Variants in CDC42BPA observed in about 807,000 individuals in gnomAD.
The protein encoded by CDC42BPA is CDC42 binding protein kinase alpha, also known as serine/threonine-protein kinase MRCK alpha.
Under a neutral mutation model 223.5 loss-of-function variants are expected in CDC42BPA, and 80 were observed. That is an observed-to-expected ratio of 0.36 (90% CI 0.30 to 0.43). The LOEUF is 0.43. CDC42BPA is among the 20% of genes least tolerant of loss of function. The pLI is 1.00. For missense variants in CDC42BPA, 1,743 were observed against 2,099.9 expected (o/e 0.83, Z 3.32); for synonymous variants, 694 against 718.6 (o/e 0.97, Z 0.55).
chr1:227,006,321 T>G (rs1361220851), intron 34 of CDC42BPA, among the ~76,000 whole-genome samples: 1 of 152,200 alleles, frequency 6.6e-6, no homozygotes, highest in African/African-American at 2.4e-5. Context: ...ATTGGCTGTT[T>G]GTGAGGGTGT....
chr1:227,082,995 G>T (rs1681033066), intron 16 of CDC42BPA, among the ~76,000 whole-genome samples: 1 of 151,992 alleles, frequency 6.6e-6, no homozygotes, highest in Admixed American at 6.6e-5. Context: ...TTGGTTTCTG[G>T]CCGCTTTTCT....
chr1:227,179,659 A>AAAAAAAAAAAAAAAAAAAAAAAAAG (rs1216438998), intron 5 of CDC42BPA, among the ~76,000 whole-genome samples: 1 of 146,888 alleles, frequency 6.8e-6, no homozygotes, highest in African/African-American at 2.6e-5. Context: ...AAAAAAAAAA[A>AAAAAAAAAAAAAAAAAAAAAAAAAG]AGCTATTTTA....
intron 1 of CDC42BPA, among the ~76,000 whole-genome samples, chr1:227,284,511 C>T (rs527437513): frequency 6.6e-6 from 1 of 152,244 alleles, no homozygotes; most frequent in African/African-American, 2.4e-5. Flanking sequence ...AGGAGAGGGC[C>T]TAACCTTAAT....
intron 34 of CDC42BPA, among the ~76,000 whole-genome samples, chr1:227,006,907 C>T (rs1417447261): frequency 2.9e-5 from 2 of 67,818 alleles, no homozygotes; most frequent in Non-Finnish European, 3.1e-5. Flanking sequence ...CCACTGCACT[C>T]CGGCCTGGGC....
chr1:227,018,813 C>G (rs1666804521), intron 32 of CDC42BPA, among the ~76,000 whole-genome samples: 1 of 152,216 alleles, frequency 6.6e-6, no homozygotes, highest in African/African-American at 2.4e-5. Context: ...AAGTGTGCAA[C>G]AGTACGTGTC....
At chr1:227,277,878 T>C (rs984501958) in intron 1 of CDC42BPA, among the ~76,000 whole-genome samples, 7 of 151,946 alleles carry the variant, frequency 4.6e-5, no homozygotes, top group Non-Finnish European at 7.4e-5. Context: ...GCCTCCCGAG[T>C]AGCTAGGACT....
At chr1:227,218,325 C>T (rs1675234495) in intron 2 of CDC42BPA, among the ~76,000 whole-genome samples, 1 of 152,306 alleles carries the variant, frequency 6.6e-6, no homozygotes, top group Middle Eastern at 3.4e-3. Context: ...TATCTTTTGT[C>T]TGTTGCTGCT....
chr1:227,219,247 T>C (rs949303647), intron 2 of CDC42BPA: 1 of 152,236 alleles, frequency 6.6e-6, no homozygotes, highest in African/African-American at 2.4e-5. Context: ...GCAAGCTAAT[T>C]AAAAGCTTTT....
chr1:227,145,016 G>A (rs1242090885), intron 8 of CDC42BPA, among the ~76,000 whole-genome samples: 1 of 152,136 alleles, frequency 6.6e-6, no homozygotes, highest in African/African-American at 2.4e-5. Context: ...GGGGATGGAC[G>A]TGTGTGGTAT....
At chr1:227,247,880 T>G (rs901618524) in intron 2 of CDC42BPA, among the ~76,000 whole-genome samples, 1 of 152,024 alleles carries the variant, frequency 6.6e-6, no homozygotes, top group South Asian at 2.1e-4. Flanking sequence ...TGACTCCATC[T>G]CAAAATAAAT....
At chr1:227,130,901 A>C (rs1656963454) in intron 10 of CDC42BPA, among the ~76,000 whole-genome samples, 1 of 152,140 alleles carries the variant, frequency 6.6e-6, no homozygotes, top group South Asian at 2.1e-4. Context: ...AATGGACATT[A>C]ATAGGAGCTA....
At chr1:227,130,323 T>G (rs1044159908) in intron 10 of CDC42BPA, among the ~76,000 whole-genome samples, 1 of 152,198 alleles carries the variant, frequency 6.6e-6, no homozygotes, top group Non-Finnish European at 1.5e-5. Flanking sequence ...CCTATATGTT[T>G]GGCAGTCAAT....
chr1:226,995,010 C>T (rs1661335012), intron 35 of CDC42BPA, 30 bp from the exon 36 acceptor site: 1 of 1,599,318 alleles, frequency 6.3e-7, no homozygotes, highest in African/African-American at 1.3e-5. Flanking sequence ...CAAAATTTTA[C>T]ATATGCAGAG....
intron 2 of CDC42BPA, among the ~76,000 whole-genome samples, chr1:227,221,197 C>T (rs1444650783): frequency 6.6e-6 from 1 of 152,186 alleles, no homozygotes; most frequent in East Asian, 1.9e-4. Flanking sequence ...CTTCTCTAAT[C>T]TTTCTTTTGC....
At chr1:227,271,686 G>A (rs1685978726) in intron 1 of CDC42BPA, among the ~76,000 whole-genome samples, 1 of 152,078 alleles carries the variant, frequency 6.6e-6, no homozygotes, top group Admixed American at 6.6e-5. Flanking sequence ...TACGAGCTTA[G>A]TAAATTCACC....
rs1660919075 is a variant in CDC42BPA, at chr1:226,992,865, C to G, written c.*1403G>C. 6.6e-6 allele frequency: 1 copy of G among 152,228 alleles called. No individual in the cohort carries two copies. 9.4% of individuals were successfully genotyped at this position (152,228 alleles called of 1,614,324 possible). A position where few individuals can be genotyped will look rare whatever the true frequency, so the allele number is the denominator to read the frequency against. ...AACAGGAGGAATCCAGCTGGAAATGCCACTAACCCCACAATCCAGCACCTG... is the reference window on the plus strand; with the variant it reads ...AACAGGAGGAATCCAGCTGGAAATGGCACTAACCCCACAATCCAGCACCTG... On this transcript the variant is annotated 3_prime_UTR_variant, in exon 37 of 37. Transcript: ENST00000366766.
At chr1:227,242,460 C>T (rs1680187423) in intron 2 of CDC42BPA, among the ~76,000 whole-genome samples, 4 of 151,844 alleles carry the variant, frequency 2.6e-5, no homozygotes, top group Admixed American at 2.6e-4. Context: ...TTGGGAAGAA[C>T]AAATGCTATC....
chr1:227,198,099 ACT>A (rs1671047862), intron 4 of CDC42BPA, among the ~76,000 whole-genome samples: 1 of 151,978 alleles, frequency 6.6e-6, no homozygotes, highest in South Asian at 2.1e-4. Context: ...GACCATATTC[ACT>A]CTTACTACTT....
At chr1:227,070,935 T>G (rs1029256949) in intron 20 of CDC42BPA, among the ~76,000 whole-genome samples, 1 of 151,852 alleles carries the variant, frequency 6.6e-6, no homozygotes, top group Non-Finnish European at 1.5e-5. Context: ...CTCTCTCCTA[T>G]TTGCCATTAG....
Sources: gnomAD v4.1 joint callset for allele counts (sites outside exome capture counted in the v4.1 genomes callset) on GRCh38, gnomAD v4.1.1 for gene constraint, MANE v1.5 for transcripts, NCBI Gene and HGNC (gene_info 2026-07-23, HGNC 2026-07-21) for gene names.